The following ZNF277 variants were observed in gnomAD, a reference collection of about 807,000 sequenced individuals.
ZNF277 encodes zinc finger protein 277.
Under a neutral mutation model 60.7 loss-of-function variants are expected in ZNF277, and 55 were observed. The ratio of observed to expected loss-of-function variants is 0.91; its 90% CI spans 0.73 to 1.13. The LOEUF (loss-of-function observed/expected upper bound fraction) is 1.13, where lower values mean the gene tolerates loss of function less well. Ranked by LOEUF, ZNF277 falls within the 50% of genes most tolerant of loss-of-function variation. The pLI, the probability that ZNF277 is intolerant of heterozygous loss-of-function variation, is 0.00. For synonymous variants in ZNF277, 178 were observed against 179.3 expected (o/e 0.99, Z 0.06); for missense variants, 510 against 523.0 (o/e 0.98, Z 0.24).
intron 1 of ZNF277, among the ~76,000 whole-genome samples, chr7:112,211,305 A>T (rs759620598): frequency 6.6e-6 from 1 of 152,206 alleles, no homozygotes; most frequent in Non-Finnish European, 1.5e-5. Context: ...ACTGAATTTG[A>T]TCAGTTAGCA....
chr7:112,246,105 C>T (rs1041449437), intron 1 of ZNF277, among the ~76,000 whole-genome samples: 3 of 151,980 alleles, frequency 2.0e-5, no homozygotes, highest in Admixed American at 6.6e-5. Context: ...AAGGTAAGGC[C>T]GAGTACAGTG....
chr7:112,236,492 A>G (rs549461541), intron 1 of ZNF277, among the ~76,000 whole-genome samples: 8 of 152,192 alleles, frequency 5.3e-5, no homozygotes, highest in East Asian at 3.9e-4. Flanking sequence ...ATTTGAGTCA[A>G]TAATCCCTCC....
intron 1 of ZNF277, among the ~76,000 whole-genome samples, chr7:112,283,690 A>T (rs2117056679): frequency 6.6e-6 from 1 of 152,338 alleles, no homozygotes; most frequent in African/African-American, 2.4e-5. Flanking sequence ...GAACAATTTG[A>T]AAAAAGAGAA....
chr7:112,241,098 T>G (rs1790935567), intron 1 of ZNF277, among the ~76,000 whole-genome samples: 1 of 151,890 alleles, frequency 6.6e-6, no homozygotes. Flanking sequence ...ATTTGCAAAC[T>G]ATCGTCTGAA....
chr7:112,313,428 ACGCACCACC>A, intron 4 of ZNF277, among the ~76,000 whole-genome samples: 1 of 151,966 alleles, frequency 6.6e-6, no homozygotes, highest in Admixed American at 6.6e-5. Flanking sequence ...GACTACAGGC[ACGCACCACC>A]ATGCCTGGCC....
intron 4 of ZNF277, among the ~76,000 whole-genome samples, chr7:112,305,932 T>C (rs190104625): frequency 2.0e-4 from 30 of 152,226 alleles, no homozygotes; most frequent in African/African-American, 7.2e-4. Flanking sequence ...AGCTCTGCCA[T>C]TTAACCTGCA....
intron 1 of ZNF277, among the ~76,000 whole-genome samples, chr7:112,280,208 T>C (rs1265757651): frequency 3.3e-5 from 5 of 152,102 alleles, no homozygotes; most frequent in Non-Finnish European, 7.4e-5. Flanking sequence ...CACGTTTCCA[T>C]GGCCATTACA....
intron 1 of ZNF277, among the ~76,000 whole-genome samples, chr7:112,260,214 C>T (rs10249330): frequency 0.043 from 6,583 of 152,152 alleles, 343 homozygotes; most frequent in African/African-American, 0.13. Flanking sequence ...TGCAGTGAGC[C>T]GTGATCACAC....
chr7:112,281,140 A>T (rs192377296), intron 1 of ZNF277, among the ~76,000 whole-genome samples: 2 of 152,332 alleles, frequency 1.3e-5, no homozygotes, highest in Admixed American at 1.3e-4. Context: ...TAAAATACCC[A>T]CACTGTTATA....
At chr7:112,216,885 A>C (rs1403636605) in intron 1 of ZNF277, among the ~76,000 whole-genome samples, 2 of 152,230 alleles carry the variant, frequency 1.3e-5, no homozygotes, top group Admixed American at 6.5e-5. Flanking sequence ...CCACTGCAGT[A>C]GATGTCTTCT....
chr7:112,260,178 A>C (rs1187350860), intron 1 of ZNF277, among the ~76,000 whole-genome samples: 1 of 152,174 alleles, frequency 6.6e-6, no homozygotes, highest in East Asian at 1.9e-4. Context: ...AGATGGGAGA[A>C]TCTCCTGAGC....
chr7:112,219,190 C>T (rs1821963546), intron 1 of ZNF277, among the ~76,000 whole-genome samples: 1 of 152,134 alleles, frequency 6.6e-6, no homozygotes. Context: ...TTTTAATATG[C>T]ATTTCTCTAA....
intron 9 of ZNF277, among the ~76,000 whole-genome samples, chr7:112,338,289 C>A (rs1186964127): frequency 6.6e-6 from 1 of 152,160 alleles, no homozygotes; most frequent in Non-Finnish European, 1.5e-5. Flanking sequence ...AGGGAGCATT[C>A]CTAGTGTGGG....
At chr7:112,270,917 TA>T (rs1309632274) in intron 1 of ZNF277, among the ~76,000 whole-genome samples, 1 of 151,796 alleles carries the variant, frequency 6.6e-6, no homozygotes, top group Non-Finnish European at 1.5e-5. Flanking sequence ...AAAATAAAAA[TA>T]AAATAAAATA....
intron 4 of ZNF277, among the ~76,000 whole-genome samples, chr7:112,304,935 A>G (rs1176240633): frequency 1.3e-5 from 2 of 152,160 alleles, no homozygotes; most frequent in East Asian, 3.8e-4. Flanking sequence ...GATCTGGCAC[A>G]TGCCTCTCTG....
intron 1 of ZNF277, among the ~76,000 whole-genome samples, chr7:112,256,368 T>C (rs1163808629): frequency 6.6e-6 from 1 of 151,618 alleles, no homozygotes; most frequent in Non-Finnish European, 1.5e-5. Context: ...AGGAAGGGTA[T>C]GTTAGCCATT....
chr7:112,293,600 A>G (rs1278468591), intron 2 of ZNF277, among the ~76,000 whole-genome samples: 2 of 150,330 alleles, frequency 1.3e-5, no homozygotes, highest in Non-Finnish European at 2.9e-5. Flanking sequence ...AAAAAAAGTC[A>G]TTAATAATTC....
intron 1 of ZNF277, among the ~76,000 whole-genome samples, chr7:112,235,486 T>C (rs1232284913): frequency 6.6e-6 from 1 of 152,116 alleles, no homozygotes. Flanking sequence ...ATTATAGTAT[T>C]GAATTGCATT....
intron 2 of ZNF277, chr7:112,288,225 G>C (rs1270999204): frequency 6.6e-6 from 1 of 152,186 alleles, no homozygotes; most frequent in East Asian, 1.9e-4. Context: ...AGTTGTCCAA[G>C]AGAAATACCT....
Sources: allele counts gnomAD v4.1 joint callset (sites outside exome capture counted in the v4.1 genomes callset), GRCh38; gene constraint gnomAD v4.1.1; transcripts MANE v1.5; gene names NCBI Gene and HGNC (gene_info 2026-07-23, HGNC 2026-07-21).